EML5: variants seen among roughly 807,000 people sequenced by gnomAD.
EML5 encodes echinoderm microtubule-associated protein-like 5.
In EML5, 120 loss-of-function variants were observed where a neutral mutation model predicts 250.0. That is an observed-to-expected ratio of 0.48 (90% CI 0.41 to 0.56). The LOEUF (loss-of-function observed/expected upper bound fraction) is 0.56, where lower values mean the gene tolerates loss of function less well. EML5 is among the 20% of genes least tolerant of loss of function. EML5 has a pLI of 0.00. For synonymous variants in EML5, 771 were observed against 806.5 expected (o/e 0.96, Z 0.75); for missense variants, 2,006 against 2,437.6 (o/e 0.82, Z 3.73).
chr14:88,650,178 C>G (rs1018937895), intron 27 of EML5, among the ~76,000 whole-genome samples: 1 of 152,090 alleles, frequency 6.6e-6, no homozygotes, highest in Non-Finnish European at 1.5e-5. Flanking sequence ...ATTGGCTGGG[C>G]AAGGTGGCTC....
chr14:88,647,095 T>G, intron 28 of EML5, 140 bp from the exon 29 acceptor site: 1 of 738,996 alleles, frequency 1.4e-6, no homozygotes, highest in Non-Finnish European at 2.0e-6. Flanking sequence ...AGGCCTGTTG[T>G]TTTTAGTTTA....
chr14:88,667,806 A>G (rs1489137666), intron 21 of EML5, among the ~76,000 whole-genome samples: 2 of 152,180 alleles, frequency 1.3e-5, no homozygotes, highest in Non-Finnish European at 2.9e-5. Context: ...CATCACTGTA[A>G]TGGCTCTAAC....
intron 31 of EML5, among the ~76,000 whole-genome samples, chr14:88,639,398 GC>G (rs1300225083): frequency 5.3e-5 from 8 of 152,156 alleles, no homozygotes; most frequent in African/African-American, 1.9e-4. Context: ...TGGAAAGGCA[GC>G]TTGGGACTAG....
At chr14:88,669,518 C>T (rs1176450994) in intron 21 of EML5, among the ~76,000 whole-genome samples, 2 of 152,154 alleles carry the variant, frequency 1.3e-5, no homozygotes, top group Admixed American at 6.5e-5. Context: ...ACCATAACCC[C>T]TCACTGTGCG....
chr14:88,674,428 C>G (rs577393024), intron 21 of EML5, among the ~76,000 whole-genome samples: 1 of 152,266 alleles, frequency 6.6e-6, no homozygotes, highest in African/African-American at 2.4e-5. Flanking sequence ...CTTCACAGGG[C>G]AGCAGGATGG....
At chr14:88,637,047 A>T (rs763436371) in intron 32 of EML5, among the ~76,000 whole-genome samples, 13 of 152,226 alleles carry the variant, frequency 8.5e-5, no homozygotes, top group Non-Finnish European at 1.2e-4. Context: ...TTTTAACAGA[A>T]GGAACAATAA....
At chr14:88,675,389 A>C (rs2092570578) in intron 21 of EML5, among the ~76,000 whole-genome samples, 1 of 152,226 alleles carries the variant, frequency 6.6e-6, no homozygotes, top group Admixed American at 6.5e-5. Context: ...ACCACATGGA[A>C]GCTGCCAAGG....
At chr14:88,634,600 A>G in intron 32 of EML5, 111 bp from the exon 33 acceptor site, 1 of 531,546 alleles carries the variant, frequency 1.9e-6, no homozygotes. Context: ...TGGTTTTATT[A>G]CATTTGATTG....
intron 32 of EML5, 77 bp from the exon 33 acceptor site, chr14:88,634,566 A>C (rs989055085): frequency 2.4e-6 from 2 of 824,022 alleles, no homozygotes; most frequent in Admixed American, 3.7e-5. Context: ...TATTAATTAT[A>C]ATTTAAACTA....
chr14:88,645,787 A>G (rs550773560), intron 29 of EML5, among the ~76,000 whole-genome samples: 6 of 152,288 alleles, frequency 3.9e-5, no homozygotes, highest in Non-Finnish European at 7.4e-5. Flanking sequence ...CTCTTCCCTT[A>G]TTCTCACTAT....
intron 8 of EML5, among the ~76,000 whole-genome samples, chr14:88,719,734 T>C (rs1286046961): frequency 6.6e-6 from 1 of 152,088 alleles, no homozygotes; most frequent in Admixed American, 6.6e-5. Flanking sequence ...GGAAAAGGAC[T>C]TTCCAATGCT....
intron 2 of EML5, among the ~76,000 whole-genome samples, chr14:88,746,529 T>C (rs146451095): frequency 6.6e-6 from 1 of 152,110 alleles, no homozygotes; most frequent in East Asian, 1.9e-4. Context: ...ATTGACAAAA[T>C]ATCCTAAATA....
chr14:88,656,370 G>A (rs1374664992), intron 27 of EML5, among the ~76,000 whole-genome samples: 1 of 152,120 alleles, frequency 6.6e-6, no homozygotes, highest in Non-Finnish European at 1.5e-5. Context: ...CACAGGAACA[G>A]AAAACCAAAC....
chr14:88,791,550 C>T (rs1296988578), intron 1 of EML5, among the ~76,000 whole-genome samples: 1 of 152,140 alleles, frequency 6.6e-6, no homozygotes, highest in Non-Finnish European at 1.5e-5. Context: ...AGCTCTGGGA[C>T]CAACTTTGAG....
At position 88,740,378 on chromosome 14, in the gene EML5, T is replaced by C. The variant is rs1283874145; in HGVS notation, c.711+9A>G. On this transcript the variant is annotated intron_variant, in intron 5 of 43. Coordinates refer to ENST00000554922, the MANE Select transcript of EML5 (RefSeq NM_183387.3). ...CATGAAAGTGTTTAAAATACTTAAA[T>C]GTACTTACAGCATGGGCTCCTTGTA... 4 of 1,599,954 alleles carry C rather than the reference T, an allele frequency of 2.5e-6. No homozygotes were observed. Among genetic ancestry groups the C allele is most frequent in the African/African-American group, 2.7e-5 (2 of 74,348 alleles).
chr14:88,660,932 A>G (rs973072498), intron 25 of EML5, among the ~76,000 whole-genome samples: 1 of 152,152 alleles, frequency 6.6e-6, no homozygotes, highest in Non-Finnish European at 1.5e-5. Flanking sequence ...CATTAAATCA[A>G]TGGTGCTTAA....
intron 39 of EML5, chr14:88,619,080 C>T (rs969976829): frequency 1.2e-5 from 3 of 246,800 alleles, no homozygotes; most frequent in Non-Finnish European, 2.3e-5. Context: ...AAAAAACTTT[C>T]TTAGGCCAGG....
At chr14:88,763,013 T>A (rs1191400219) in intron 1 of EML5, among the ~76,000 whole-genome samples, 1 of 152,072 alleles carries the variant, frequency 6.6e-6, no homozygotes, top group Non-Finnish European at 1.5e-5. Flanking sequence ...AAAGAAGTGT[T>A]TAGAGAGAAA....
At position 88,620,556 on chromosome 14, in the gene EML5, G is replaced by T; in HGVS notation, c.5375+198C>A. The T allele has an allele frequency of 2.2e-6, 1 of 446,952 alleles. No individual in the cohort carries two copies. Among genetic ancestry groups the T allele is most frequent in the Non-Finnish European group, 3.9e-6 (1 of 259,012 alleles). 27.7% of individuals were successfully genotyped at this position (446,952 alleles called of 1,614,324 possible). A position where few individuals can be genotyped will look rare whatever the true frequency, so the allele number is the denominator to read the frequency against. ...TTACCTACTAGTACTTGCTATTATA[G>T]TTGGTGCCCAGTGGGTTTATAATTT... is the stretch of plus-strand genomic sequence containing the variant. On this transcript the variant is annotated intron_variant, in intron 39 of 43. Coordinates refer to ENST00000554922, the MANE Select transcript of EML5 (RefSeq NM_183387.3). This position sits in a 1 kb window ranked among gnomAD's most constrained non-coding sequence, Gnocchi z 4.3.
Sources: gnomAD v4.1 joint callset for allele counts (sites outside exome capture counted in the v4.1 genomes callset) on GRCh38, gnomAD v4.1.1 for gene constraint, Gnocchi (gnomAD v3.1) non-coding constraint, MANE v1.5 for transcripts, NCBI Gene and HGNC (gene_info 2026-07-23, HGNC 2026-07-21) for gene names.